Variants in DGKB observed in about 807,000 individuals in gnomAD.
The protein encoded by DGKB is diacylglycerol kinase beta.
In DGKB, 67 loss-of-function variants were observed where a neutral mutation model predicts 114.3. That is an observed-to-expected ratio of 0.59 (90% CI 0.48 to 0.72). The LOEUF is 0.72. Ranked by LOEUF, DGKB falls within the 30% of genes least tolerant of loss-of-function variation. DGKB has a pLI of 0.00. For synonymous variants in DGKB, 398 were observed against 323.1 expected, an observed-to-expected ratio of 1.23 and a Z score of -2.49; for missense variants, 907 against 975.2, an observed-to-expected ratio of 0.93 and a Z score of 0.93.
chr7:14,336,175 T>G (rs1435229971), intron 23 of DGKB, among the ~76,000 whole-genome samples: 1 of 152,206 alleles, frequency 6.6e-6, no homozygotes. Flanking sequence ...CATTGAAGAA[T>G]TAGCAGAATA....
At chr7:14,231,227 G>C (rs986249088) in intron 23 of DGKB, among the ~76,000 whole-genome samples, 2 of 150,818 alleles carry the variant, frequency 1.3e-5, no homozygotes. Context: ...TTGAACTTCT[G>C]GGCTTAAGCA....
At chr7:14,742,648 G>A (rs1055953854) in intron 4 of DGKB, among the ~76,000 whole-genome samples, 5 of 152,158 alleles carry the variant, frequency 3.3e-5, no homozygotes, top group Admixed American at 3.3e-4. Flanking sequence ...AATTAACCAA[G>A]CCCTTGAACA....
intron 17 of DGKB, among the ~76,000 whole-genome samples, chr7:14,586,982 C>A (rs1212975064): frequency 3.3e-5 from 5 of 152,076 alleles, no homozygotes; most frequent in African/African-American, 9.7e-5. Context: ...AGCATACATT[C>A]TGCAGCTCGT....
At chr7:14,898,947 C>A (rs1188142304) in intron 1 of DGKB, among the ~76,000 whole-genome samples, 1 of 152,102 alleles carries the variant, frequency 6.6e-6, no homozygotes, top group Non-Finnish European at 1.5e-5. Context: ...AAAGGCAAAT[C>A]CTTCATTTCA....
chr7:14,510,828 C>G (rs893752610), intron 20 of DGKB, among the ~76,000 whole-genome samples: 2 of 152,270 alleles, frequency 1.3e-5, no homozygotes, highest in African/African-American at 4.8e-5. Context: ...TGTTAGCAGG[C>G]ATAAAAACAT....
At chr7:14,630,091 T>A in intron 14 of DGKB, 145 bp downstream of exon 14, 1 of 466,518 alleles carries the variant, frequency 2.1e-6, no homozygotes, top group Non-Finnish European at 3.8e-6. Context: ...AACCACCACT[T>A]CCAATTAGCA....
intron 23 of DGKB, among the ~76,000 whole-genome samples, chr7:14,331,429 C>G (rs1054846949): frequency 2.0e-5 from 3 of 151,858 alleles, no homozygotes; most frequent in African/African-American, 7.3e-5. Context: ...ATCTACAGTT[C>G]TAAAATGAAT....
chr7:14,311,109 C>T (rs926719338), intron 23 of DGKB, among the ~76,000 whole-genome samples: 1 of 152,146 alleles, frequency 6.6e-6, no homozygotes, highest in African/African-American at 2.4e-5. Flanking sequence ...GCCTGGGGAA[C>T]AGAGCAAGAC....
intron 23 of DGKB, among the ~76,000 whole-genome samples, chr7:14,242,586 A>T (rs1198739929): frequency 6.6e-6 from 1 of 152,170 alleles, no homozygotes; most frequent in Non-Finnish European, 1.5e-5. Context: ...TACATTGTAG[A>T]AATGCTTTGA....
intron 12 of DGKB, among the ~76,000 whole-genome samples, chr7:14,675,698 G>T (rs1326760318): frequency 6.6e-6 from 1 of 151,844 alleles, no homozygotes; most frequent in Non-Finnish European, 1.5e-5. Flanking sequence ...GACATAGGAG[G>T]ATCTATAAGT....
intron 23 of DGKB, among the ~76,000 whole-genome samples, chr7:14,262,915 C>T (rs567378688): frequency 3.3e-5 from 5 of 152,152 alleles, no homozygotes; most frequent in Middle Eastern, 3.4e-3. Flanking sequence ...ATCATTCCCA[C>T]CAAGAGGTAG....
chr7:14,802,419 T>A (rs1842288196), intron 2 of DGKB, among the ~76,000 whole-genome samples: 1 of 152,166 alleles, frequency 6.6e-6, no homozygotes, highest in Non-Finnish European at 1.5e-5. Context: ...GCTACTCAGC[T>A]TAATAAGGTC....
At chr7:14,701,864 G>C in intron 6 of DGKB, 134 bp from the exon 7 acceptor site, 3 of 614,486 alleles carry the variant, frequency 4.9e-6, no homozygotes, top group Non-Finnish European at 8.8e-6. Context: ...CAATTAATTT[G>C]TGGGATTATT....
chr7:14,214,440 G>C (rs192654905), intron 23 of DGKB, among the ~76,000 whole-genome samples: 3 of 152,030 alleles, frequency 2.0e-5, no homozygotes, highest in African/African-American at 7.2e-5. Flanking sequence ...GAAAAAATCT[G>C]CTTTGGTTGT....
chr7:14,970,190 A>C (rs578089429), intron 1 of DGKB, among the ~76,000 whole-genome samples: 51 of 152,298 alleles, frequency 3.3e-4, no homozygotes, highest in African/African-American at 1.2e-3. Context: ...AGTTTTGTAG[A>C]GATTGGCTGC....
chr7:14,195,743 G>A lies in DGKB; in HGVS notation c.2123-17592C>T, dbSNP rs182060244. ...TGAACTCACTTATAAACTTAATAAT[G>A]CTGAACATTAAAATAAGGACAGAAC... On this transcript the variant is annotated intron_variant, in intron 23 of 25. Coordinates refer to ENST00000402815, the MANE Select transcript of DGKB (RefSeq NM_001350709.2). 4.6e-5 allele frequency among the ~76,000 whole-genome samples: 7 copies of A among 152,190 alleles called. No homozygotes were observed. The East Asian group carries it at 1.4e-3, about 29-fold the overall frequency.
chr7:14,215,440 C>T lies in DGKB; in HGVS notation c.2123-37289G>A, dbSNP rs569824787. On this transcript the variant is annotated intron_variant, in intron 23 of 25. Transcript: ENST00000402815. ...CTTCCTCTCCCATCTCTTGCACGTA[C>T]ACTCCCTTTCAAATTTCATAAAAGT... 2.6e-5 allele frequency among the ~76,000 whole-genome samples: 4 copies of T among 152,230 alleles called. No individual in the cohort carries two copies. In the South Asian group the frequency reaches 8.3e-4, roughly 32 times the overall value.
chr7:14,272,617 G>A (rs1170538065), intron 23 of DGKB, among the ~76,000 whole-genome samples: 2 of 151,980 alleles, frequency 1.3e-5, no homozygotes, highest in African/African-American at 4.8e-5. Flanking sequence ...CTGTATCTAT[G>A]GTCACTCTAC....
chr7:14,941,460 T>C (rs192712384), intron 1 of DGKB, among the ~76,000 whole-genome samples: 12 of 152,230 alleles, frequency 7.9e-5, no homozygotes, highest in Non-Finnish European at 1.8e-4. Flanking sequence ...AAGATTGTTA[T>C]CCTGAGGTCC....
Sources: gnomAD v4.1 joint callset for allele counts (sites outside exome capture counted in the v4.1 genomes callset) on GRCh38, gnomAD v4.1.1 for gene constraint, MANE v1.5 for transcripts, NCBI Gene and HGNC (gene_info 2026-07-23, HGNC 2026-07-21) for gene names.